Variants in CAPRIN1 observed in about 807,000 individuals in gnomAD.
CAPRIN1 encodes the protein cell cycle associated protein 1.
Under a neutral mutation model 100.9 loss-of-function variants are expected in CAPRIN1, and 29 were observed. That is an observed-to-expected ratio of 0.29 (90% CI 0.21 to 0.39). CAPRIN1 has a LOEUF of 0.39. Among genes scored for constraint, CAPRIN1 ranks in the 10% least tolerant of loss-of-function variants. The pLI, the probability that CAPRIN1 is intolerant of heterozygous loss-of-function variation, is 1.00. For missense variants in CAPRIN1, 795 were observed against 876.7 expected (o/e 0.91, Z 1.18); for synonymous variants, 338 against 307.5 (o/e 1.10, Z -1.04).
chr11:34,066,677 T>G (rs1055196423), intron 2 of CAPRIN1, among the ~76,000 whole-genome samples: 7 of 147,228 alleles, frequency 4.8e-5, no homozygotes, highest in African/African-American at 1.8e-4. Context: ...CTCACTCTGT[T>G]GTCCAGGCTG....
intron 4 of CAPRIN1, among the ~76,000 whole-genome samples, chr11:34,072,838 TC>T: frequency 6.6e-6 from 1 of 152,362 alleles, no homozygotes; most frequent in Non-Finnish European, 1.5e-5. Context: ...ATGATGATGG[TC>T]CCATAACATT....
intron 12 of CAPRIN1, 78 bp from the exon 13 acceptor site, chr11:34,090,101 C>T (rs1565096320): frequency 1.4e-5 from 10 of 727,394 alleles, no homozygotes; most frequent in Admixed American, 7.7e-5. Flanking sequence ...TAGCCTTATG[C>T]GTCTTAGAGG....
intron 2 of CAPRIN1, chr11:34,053,245 C>A: frequency 1.4e-6 from 1 of 717,804 alleles, no homozygotes; most frequent in Non-Finnish European, 1.7e-6. Context: ...TACCCCCGCG[C>A]CCATGCGATG....
chr11:34,084,023 C>G (rs1229358103), intron 9 of CAPRIN1, among the ~76,000 whole-genome samples: 1 of 152,076 alleles, frequency 6.6e-6, no homozygotes. Context: ...GAGCTGAGAT[C>G]GTGCCACTGC....
At chr11:34,059,827 T>G (rs1194535857) in intron 2 of CAPRIN1, among the ~76,000 whole-genome samples, 4 of 151,998 alleles carry the variant, frequency 2.6e-5, no homozygotes, top group Admixed American at 1.3e-4. Flanking sequence ...CCTGAAGGGT[T>G]TTTTACTTTT....
In CAPRIN1 at chr11:34,075,931, C is replaced by A. The variant is rs754930267; in HGVS notation, c.367-305C>A. On this transcript the variant is annotated intron_variant, in intron 4 of 18. Transcript: ENST00000341394. ...TGGTCAATCGTATTTCATATAAATC[C>A]ACATTCATTTCCTTGCTCCCTTTGC... 2.6e-5 allele frequency among the ~76,000 whole-genome samples: 4 copies of A among 152,118 alleles called. No homozygotes were observed. In the East Asian group the frequency reaches 7.7e-4, roughly 29 times the overall value.
intron 2 of CAPRIN1, among the ~76,000 whole-genome samples, chr11:34,054,851 G>A (rs1850415165): frequency 6.6e-6 from 1 of 152,124 alleles, no homozygotes; most frequent in Non-Finnish European, 1.5e-5. Context: ...ATTAATGATT[G>A]TGAACATTAA....
Position 34,079,611 on chromosome 11 carries a change from C to A in CAPRIN1, c.689-17C>A. The A allele has an allele frequency of 6.2e-7, 1 of 1,608,130 alleles. No individual in the cohort carries two copies. Among genetic ancestry groups the A allele is most frequent in the East Asian group, 2.2e-5 (1 of 44,820 alleles). ...CTCAGATAAGTCTTACATTATAATTCATGTTCTTTTTCTTAGATAAAGTTC... is the reference window on the plus strand; with the variant it reads ...CTCAGATAAGTCTTACATTATAATTAATGTTCTTTTTCTTAGATAAAGTTC... On this transcript the variant is annotated splice_polypyrimidine_tract_variant and intron_variant, in intron 6 of 18. Coordinates refer to ENST00000341394, the MANE Select transcript of CAPRIN1 (RefSeq NM_005898.5).
At position 34,079,905 on chromosome 11, in the gene CAPRIN1, GTTTTTTTTTTTTTTTTTTTT is replaced by G. The variant is rs377455073; in HGVS notation, c.826+156_826+175del. On this transcript the variant is annotated intron_variant, in intron 7 of 18. Coordinates refer to ENST00000341394, the MANE Select transcript of CAPRIN1 (RefSeq NM_005898.5). ...TTAAAGAGACTTTAAGCATGACAAA[GTTTTTTTTTTTTTTTTTTTT>G]TTTTTTTTTTTTTTTGGAGACAGAG... The G allele has an allele frequency of 3.6e-3, 1,194 of 330,962 alleles. 3 individuals are homozygous for G. Among genetic ancestry groups the G allele is most frequent in the Middle Eastern group, 5.7e-3 (6 of 1,044 alleles). 20.5% of individuals were successfully genotyped at this position (330,962 alleles called of 1,614,324 possible).
At chr11:34,053,136 C>G (rs1214241247) in intron 2 of CAPRIN1, 4 of 989,332 alleles carry the variant, frequency 4.0e-6, no homozygotes, top group Non-Finnish European at 3.6e-6. Context: ...CGAGACCTGT[C>G]GAGCGTCCCC....
Position 34,052,860 on chromosome 11 carries a change from C to G in CAPRIN1, c.216+224C>G, listed in dbSNP as rs542038257. ...CTTGTCACCTGACTCGGACGCGGCA[C>G]TGTACCCCAGGCCTCTTTATTACTC... On this transcript the variant is annotated intron_variant, in intron 2 of 18. Coordinates refer to ENST00000341394, the MANE Select transcript of CAPRIN1 (RefSeq NM_005898.5). The G allele has an allele frequency of 7.4e-5, 106 of 1,427,780 alleles. No individual in the cohort carries two copies. The African/African-American group carries it at 1.3e-3, about 18-fold the overall frequency. The allele number at this position is 1,427,780 out of a possible 1,614,324, so 88.4% of individuals were successfully genotyped here. A position where few individuals can be genotyped will look rare whatever the true frequency, so the allele number is the denominator to read the frequency against.
chr11:34,086,148 G>C lies in CAPRIN1; in HGVS notation c.1051G>C (p.Asp351His). The C allele has an allele frequency of 2.5e-6, 4 of 1,614,140 alleles. No individual in the cohort carries two copies. The highest frequency in any genetic ancestry group is 3.4e-6 in the Non-Finnish European group (4 of 1,179,996). ...PHSLTPVAQA[D>H]PLVRRQRVQD... ...CTCTTTGACTCCAGTGGCTCAGGCA[G>C]ATCCCCTTGTGAGAAGACAGCGAGT... The change falls in exon 10 of 19, where the codon GAT becomes CAT. Residue 351 changes from aspartate to histidine, a missense_variant. Physicochemically the swap from Asp to His is moderately conservative, Grantham distance 81. This residue lies in a region of CAPRIN1 where 648 missense variants were observed against 697.9 expected (regional missense o/e 0.93). Transcript: ENST00000341394.
chr11:34,079,916 T>C (rs1484446973), intron 7 of CAPRIN1, 151 bp downstream of exon 7: 2 of 1,702 alleles, frequency 1.2e-3, no homozygotes, highest in African/African-American at 7.4e-3. Context: ...TTTTTTTTTT[T>C]TTTTTTTTTT....
At chr11:34,054,193 G>A (rs186068693) in intron 2 of CAPRIN1, among the ~76,000 whole-genome samples, 48 of 152,184 alleles carry the variant, frequency 3.2e-4, no homozygotes, top group African/African-American at 1.0e-3. Flanking sequence ...AAGGTTGGAA[G>A]TTTTACTTGA....
At chr11:34,070,046 A>T (rs1304519534) in intron 2 of CAPRIN1, among the ~76,000 whole-genome samples, 5 of 152,208 alleles carry the variant, frequency 3.3e-5, no homozygotes, top group Non-Finnish European at 7.3e-5. Context: ...GGGGTAAGGA[A>T]CTATGTATGT....
In CAPRIN1 at chr11:34,076,313, T is replaced by C. The variant is rs751978609; in HGVS notation, c.444T>C (p.Thr148=). Residue 148 remains threonine, a synonymous_variant, in exon 5 of 19, where the codon ACT becomes ACC. Transcript: ENST00000341394. Reference sequence around the variant, plus strand: ...AAGCTGAACAGAAACGTTTAAAAACTGTACTTGAGCTACAGTATGTTTTGG... The same window carrying C: ...AAGCTGAACAGAAACGTTTAAAAACCGTACTTGAGCTACAGTATGTTTTGG... ...REEAEQKRLK[T]VLELQYVLDK... is the part of the protein sequence containing the mutation. 3.1e-6 allele frequency: 5 copies of C among 1,614,232 alleles called. No homozygotes were observed. The highest frequency in any genetic ancestry group is 2.2e-5 in the South Asian group (2 of 91,090).
chr11:34,056,521 A>G (rs994746169), intron 2 of CAPRIN1: 5 of 152,174 alleles, frequency 3.3e-5, no homozygotes, highest in Admixed American at 6.5e-5. Flanking sequence ...AGCAAAGAGA[A>G]GAAATACAGC....
rs946710986 is a variant in CAPRIN1, at chr11:34,060,083, C to T, written c.216+7447C>T. Among the ~76,000 whole-genome samples, 27 of 149,380 alleles carry T rather than the reference C, an allele frequency of 1.8e-4. 1 individual carries two copies. The highest frequency in any genetic ancestry group is 7.0e-3 in the Middle Eastern group (2 of 284). On this transcript the variant is annotated intron_variant, in intron 2 of 18. Coordinates refer to ENST00000341394, the MANE Select transcript of CAPRIN1 (RefSeq NM_005898.5). The stretch of plus-strand genomic sequence containing the variant: ...TGGTGGCATGCAGCTGTAGTTCCAG[C>T]TACTTGGGAGGCCGAGACAGGAGAA...
chr11:34,083,611 G>A (rs2134120787), intron 9 of CAPRIN1, among the ~76,000 whole-genome samples: 1 of 152,318 alleles, frequency 6.6e-6, no homozygotes, highest in Non-Finnish European at 1.5e-5. Context: ...TCTCAGTGAT[G>A]CCTTGTTACC....
Sources: allele counts gnomAD v4.1 joint callset (sites outside exome capture counted in the v4.1 genomes callset), GRCh38; gene constraint gnomAD v4.1.1; regional missense constraint gnomAD v4.1.1; transcripts MANE v1.5; gene names NCBI Gene and HGNC (gene_info 2026-07-23, HGNC 2026-07-21).